The following COPB1 variants were observed in gnomAD, a reference collection of about 807,000 sequenced individuals.
The protein encoded by COPB1 is coat protein complex I subunit beta 1.
A neutral mutation model predicts 108.7 loss-of-function variants in COPB1; 21 were observed. The observed-to-expected ratio is 0.19, with a 90% CI of 0.14 to 0.28. COPB1 has a LOEUF of 0.28. Ranked by LOEUF, COPB1 falls within the 10% of genes least tolerant of loss-of-function variation. The pLI, the probability that COPB1 is intolerant of heterozygous loss-of-function variation, is 1.00. For missense variants in COPB1, 919 were observed against 1,141.3 expected (o/e 0.81, Z 2.81); for synonymous variants, 378 against 386.8 (o/e 0.98, Z 0.27).
intron 2 of COPB1, among the ~76,000 whole-genome samples, chr11:14,498,038 G>C (rs532826871): frequency 6.6e-6 from 1 of 152,204 alleles, no homozygotes. Context: ...ATCAGAGGTG[G>C]GAAGGGTAGT....
Position 14,468,825 on chromosome 11 carries a change from A to G in COPB1, c.2001T>C (p.Pro667=). ...ESEKRNVTVQ[P]DDPISFMQLT... ...GTTGCATGAAGGAAATGGGGTCATC[A>G]GGCTGTACTGTCACATTCCTCTTTT... is the stretch of plus-strand genomic sequence containing the variant. Residue 667 remains proline, a synonymous_variant, in exon 16 of 22, where the codon CCT becomes CCC. Coordinates refer to ENST00000439561, the MANE Select transcript of COPB1 (RefSeq NM_001144061.2). 1 of 1,614,026 alleles carries G rather than the reference A, an allele frequency of 6.2e-7. No individual in the cohort carries two copies. The highest frequency in any genetic ancestry group is 8.5e-7 in the Non-Finnish European group (1 of 1,179,902).
In COPB1 at chr11:14,490,628, C is replaced by A; in HGVS notation, c.543G>T (p.Leu181=). The A allele has an allele frequency of 6.2e-7, 1 of 1,613,270 alleles. No homozygotes were observed. Among genetic ancestry groups the A allele is most frequent in the Non-Finnish European group, 8.5e-7 (1 of 1,179,726 alleles). ...TGCAACTTGCATCCTTCTCATTCAC[C>A]AGAAAATCATGTATCAGTTCAGGAG... ...PDAPELIHDF[L]VNEKDASCKR... Residue 181 remains leucine (L), a synonymous_variant, in exon 5 of 22, where the codon CTG becomes CTT. Coordinates refer to ENST00000439561, the MANE Select transcript of COPB1 (RefSeq NM_001144061.2).
At chr11:14,474,750 C>T (rs1271847458) in intron 13 of COPB1, 135 bp from the exon 14 acceptor site, 3 of 1,240,144 alleles carry the variant, frequency 2.4e-6, no homozygotes, top group African/African-American at 3.0e-5. Context: ...AGCTAACTAA[C>T]TCCTTAGCTC....
At chr11:14,476,138 C>T (rs1345128207) in intron 12 of COPB1, among the ~76,000 whole-genome samples, 193 bp from the exon 13 acceptor site, 1 of 152,120 alleles carries the variant, frequency 6.6e-6, no homozygotes, top group Non-Finnish European at 1.5e-5. Context: ...ATGGATATTC[C>T]AGGGTTTGAA....
At chr11:14,462,440 G>A (rs1029245637) in intron 18 of COPB1, among the ~76,000 whole-genome samples, 5 of 151,992 alleles carry the variant, frequency 3.3e-5, no homozygotes, top group African/African-American at 1.2e-4. Context: ...CACCATCTTG[G>A]CCAGGCTGGT....
rs1255056922 is a variant in COPB1 at position 14,465,078 on chromosome 11, C to G, written c.2291-48G>C. 2.1e-6 allele frequency: 3 copies of G among 1,427,330 alleles called. No individual in the cohort carries two copies. The South Asian group carries it at 3.9e-5, about 19-fold the overall frequency. The allele number at this position is 1,427,330 out of a possible 1,614,324, so 88.4% of individuals were successfully genotyped here. On this transcript the variant is annotated intron_variant, in intron 17 of 21. Transcript: ENST00000439561. Reference sequence around the variant, plus strand: ...GGTTAAAAATACACACACACACACACACACACACACACACACACACACACA... The same window carrying G: ...GGTTAAAAATACACACACACACACAGACACACACACACACACACACACACA...
chr11:14,469,967 G>A (rs1182215563), intron 14 of COPB1, among the ~76,000 whole-genome samples: 2 of 152,086 alleles, frequency 1.3e-5, no homozygotes, highest in African/African-American at 2.4e-5. Context: ...TGGCTGACAT[G>A]TGAAAAAGTC....
intron 13 of COPB1, 92 bp from the exon 14 acceptor site, chr11:14,474,707 CTTA>C (rs1319857373): frequency 1.3e-6 from 2 of 1,510,948 alleles, no homozygotes; most frequent in African/African-American, 2.8e-5. Context: ...ATTAAACACT[CTTA>C]TTACCATCCT....
At chr11:14,479,424 G>A in intron 11 of COPB1, 145 bp downstream of exon 11, 1 of 644,692 alleles carries the variant, frequency 1.6e-6, no homozygotes, top group Non-Finnish European at 2.5e-6. Flanking sequence ...AATGAGAGTG[G>A]AGTTAGCGAG....
chr11:14,486,534 G>A (rs765932420), intron 6 of COPB1, 30 bp from the exon 7 acceptor site: 19 of 1,605,418 alleles, frequency 1.2e-5, no homozygotes, highest in Admixed American at 8.5e-5. Context: ...CATTTCAACC[G>A]ATTTCAGGAA....
At chr11:14,458,221 C>T (rs879481850) in intron 21 of COPB1, among the ~76,000 whole-genome samples, 30 of 151,242 alleles carry the variant, frequency 2.0e-4, no homozygotes, top group Non-Finnish European at 3.8e-4. Context: ...CTGGGATTAC[C>T]GGGTGTGCGC....
chr11:14,470,944 A>ACACACACACACACACTCTCTCTCT (rs1285522756), intron 14 of COPB1, among the ~76,000 whole-genome samples: 4 of 90,152 alleles, frequency 4.4e-5, no homozygotes, highest in African/African-American at 2.1e-4. Flanking sequence ...ACACACACAC[A>ACACACACACACACACTCTCTCTCT]CTCTCTCTCT....
chr11:14,460,334 T>C, intron 19 of COPB1, 37 bp from the exon 20 acceptor site: 3 of 1,315,526 alleles, frequency 2.3e-6, no homozygotes, highest in Non-Finnish European at 3.2e-6. Context: ...AGATCATAAA[T>C]CTTACTATGA....
At chr11:14,460,118 A>G in intron 20 of COPB1, 90 bp downstream of exon 20, 4 of 777,340 alleles carry the variant, frequency 5.1e-6, no homozygotes, top group East Asian at 2.5e-5. Flanking sequence ...TGCATATTGA[A>G]TAACAAAAAT....
At chr11:14,467,877 G>GT (rs1850317997) in intron 16 of COPB1, among the ~76,000 whole-genome samples, 1 of 152,120 alleles carries the variant, frequency 6.6e-6, no homozygotes, top group Non-Finnish European at 1.5e-5. Flanking sequence ...GTGGCTAGGG[G>GT]TAAGTAGAGG....
At chr11:14,491,370 A>G (rs542221227) in intron 4 of COPB1, among the ~76,000 whole-genome samples, 7 of 152,132 alleles carry the variant, frequency 4.6e-5, no homozygotes, top group African/African-American at 1.4e-4. Context: ...CTTCAAATCA[A>G]TTAGAACTGG....
At chr11:14,477,938 G>C (rs895919350) in intron 11 of COPB1, among the ~76,000 whole-genome samples, 1 of 150,314 alleles carries the variant, frequency 6.7e-6, no homozygotes, top group Admixed American at 6.6e-5. Flanking sequence ...TCCAGGAGGC[G>C]GAGGTTGCAA....
chr11:14,464,124 A>C (rs1424519921), intron 18 of COPB1, among the ~76,000 whole-genome samples: 2 of 152,160 alleles, frequency 1.3e-5, no homozygotes, highest in Non-Finnish European at 2.9e-5. Flanking sequence ...TCCTGCCATC[A>C]TCCTCCAACC....
At chr11:14,499,010 C>T in intron 1 of COPB1, 25 bp from the exon 2 acceptor site, 2 of 1,035,246 alleles carry the variant, frequency 1.9e-6, no homozygotes, top group Non-Finnish European at 1.4e-6. Flanking sequence ...ACAGACATAT[C>T]ATTACAAATT....
Sources: allele counts gnomAD v4.1 joint callset (sites outside exome capture counted in the v4.1 genomes callset), GRCh38; gene constraint gnomAD v4.1.1; transcripts MANE v1.5; gene names NCBI Gene and HGNC (gene_info 2026-07-23, HGNC 2026-07-21).